The following CAPS2 variants were observed in gnomAD, a reference collection of about 807,000 sequenced individuals.
CAPS2 encodes calcyphosin-2.
Under a neutral mutation model 86.5 loss-of-function variants are expected in CAPS2, and 98 were observed. The observed-to-expected ratio is 1.13, with a 90% CI of 0.96 to 1.34. CAPS2 has a LOEUF of 1.34. CAPS2 is among the 40% of genes most tolerant of loss of function. The probability of loss-of-function intolerance (pLI) is 0.00; values close to 1 mark genes in which losing one functional copy is unlikely to be tolerated. For missense variants in CAPS2, 729 were observed against 686.8 expected (o/e 1.06, Z -0.69); for synonymous variants, 210 against 225.1 (o/e 0.93, Z 0.60).
intron 11 of CAPS2, among the ~76,000 whole-genome samples, chr12:75,297,978 C>T (rs956072748): frequency 1.1e-4 from 17 of 152,106 alleles, no homozygotes; most frequent in African/African-American, 3.6e-4. Flanking sequence ...CTATCTGGCC[C>T]TCTTATCTAT....
At chr12:75,343,720 G>A in intron 1 of CAPS2, 1 of 1,610,994 alleles carries the variant, frequency 6.2e-7, no homozygotes, top group Middle Eastern at 1.7e-4. Flanking sequence ...AGCAAAGATG[G>A]CTAAAGCATG....
chr12:75,343,557 A>G, intron 1 of CAPS2: 1 of 684,150 alleles, frequency 1.5e-6, no homozygotes, highest in Non-Finnish European at 2.4e-6. Flanking sequence ...CTAACTATGC[A>G]CATAATAAAT....
At chr12:75,280,131 C>T (rs926167191) in intron 16 of CAPS2, among the ~76,000 whole-genome samples, 1 of 151,532 alleles carries the variant, frequency 6.6e-6, no homozygotes, top group Non-Finnish European at 1.5e-5. Context: ...TGGGATATAC[C>T]ATTTCTATTA....
chr12:75,293,651 A>ATAATT (rs2036398541), intron 11 of CAPS2, among the ~76,000 whole-genome samples: 1 of 152,186 alleles, frequency 6.6e-6, no homozygotes, highest in African/African-American at 2.4e-5. Flanking sequence ...AAAAGAACAA[A>ATAATT]TAATTTAATT....
At chr12:75,312,783 T>C in intron 7 of CAPS2, 65 bp downstream of exon 7, 1 of 941,920 alleles carries the variant, frequency 1.1e-6, no homozygotes, top group Non-Finnish European at 1.7e-6. Context: ...ATGAATGTCA[T>C]GCATGAAAAT....
intron 12 of CAPS2, among the ~76,000 whole-genome samples, chr12:75,292,737 TA>T (rs1425145967): frequency 2.0e-5 from 3 of 147,850 alleles, no homozygotes; most frequent in African/African-American, 4.9e-5. Context: ...CAGGAATATA[TA>T]TTTTTTAATC....
chr12:75,300,790 G>A (rs937921649), intron 8 of CAPS2, among the ~76,000 whole-genome samples: 1 of 152,018 alleles, frequency 6.6e-6, no homozygotes, highest in Non-Finnish European at 1.5e-5. Flanking sequence ...AAAAGATATA[G>A]GAAAGCCAGC....
intron 1 of CAPS2, among the ~76,000 whole-genome samples, chr12:75,359,357 CTTTTTTTTTTTTT>C (rs61616225): frequency 1.4e-4 from 4 of 28,600 alleles, no homozygotes; most frequent in South Asian, 1.3e-3. Context: ...GCATTGTTGT[CTTTTTTTTTTTTT>C]TTTTTTTTTT....
chr12:75,383,383 C>G (rs1295014426), intron 1 of CAPS2, among the ~76,000 whole-genome samples: 1 of 152,074 alleles, frequency 6.6e-6, no homozygotes, highest in Non-Finnish European at 1.5e-5. Context: ...ACCAAGATAG[C>G]TATATTAATT....
chr12:75,293,427 C>T lies in CAPS2; in HGVS notation c.1045-60G>A, dbSNP rs2036355241. On this transcript the variant is annotated intron_variant, in intron 11 of 16. Transcript: ENST00000393284. The stretch of plus-strand genomic sequence containing the variant: ...CATGTAAGAAATAAAATATAACTAA[C>T]ATCAATTTTAAATAATGGATTTTGA... The T allele has an allele frequency of 8.9e-6, 9 of 1,011,560 alleles. No individual in the cohort carries two copies. In the South Asian group the frequency reaches 1.1e-4, roughly 12 times the overall value. The allele number at this position is 1,011,560 out of a possible 1,614,324, so 62.7% of individuals were successfully genotyped here. A position where few individuals can be genotyped will look rare whatever the true frequency, so the allele number is the denominator to read the frequency against.
chr12:75,354,167 G>GC (rs1491414500), intron 1 of CAPS2, among the ~76,000 whole-genome samples: 2 of 46,294 alleles, frequency 4.3e-5, no homozygotes, highest in African/African-American at 1.3e-4. Context: ...AGAAAAAAAA[G>GC]GGGGGGGGGT....
At chr12:75,384,697 A>G (rs1162878835) in intron 1 of CAPS2, among the ~76,000 whole-genome samples, 1 of 152,198 alleles carries the variant, frequency 6.6e-6, no homozygotes, top group Non-Finnish European at 1.5e-5. Context: ...AAAACATTAC[A>G]AGAAAAAAAA....
downstream of CAPS2, chr12:75,276,988 T>C: frequency 2.0e-6 from 2 of 984,542 alleles, no homozygotes; most frequent in Non-Finnish European, 2.4e-6. Context: ...AAATAACAGA[T>C]TTTACTATAC....
chr12:75,388,392 TC>T (rs2045401115), intron 1 of CAPS2, among the ~76,000 whole-genome samples: 3 of 152,302 alleles, frequency 2.0e-5, no homozygotes, highest in African/African-American at 7.2e-5. Flanking sequence ...AGCCAACATG[TC>T]CTTCAGTAGC....
chr12:75,343,673 A>C (rs2042261977), intron 1 of CAPS2: 3 of 1,558,704 alleles, frequency 1.9e-6, no homozygotes, highest in Admixed American at 3.8e-5. Flanking sequence ...AATTCAATTT[A>C]AATTATTTTT....
At chr12:75,363,222 TAG>T in intron 1 of CAPS2, 1 of 1,005,866 alleles carries the variant, frequency 9.9e-7, no homozygotes. Context: ...TAATTACATT[TAG>T]AGAGTAAAGT....
intron 14 of CAPS2, 135 bp downstream of exon 14, chr12:75,289,486 A>G: frequency 1.4e-6 from 1 of 721,640 alleles, no homozygotes; most frequent in Non-Finnish European, 2.2e-6. Context: ...AGGGCTTGTA[A>G]CCTGATAGCT....
At chr12:75,306,110 C>T (rs535547302) in intron 7 of CAPS2, 2 of 1,319,446 alleles carry the variant, frequency 1.5e-6, no homozygotes, top group South Asian at 1.2e-5. Context: ...AGCACTCCAC[C>T]TTCCACATTC....
chr12:75,312,859 G>T, exon 7 of CAPS2: 2 of 1,584,504 alleles, frequency 1.3e-6, no homozygotes, highest in South Asian at 2.2e-5. Context: ...TAGATAAGTG[G>T]TCTATCATCA....
Sources: gnomAD v4.1 joint callset for allele counts (sites outside exome capture counted in the v4.1 genomes callset) on GRCh38, gnomAD v4.1.1 for gene constraint, MANE v1.5 for transcripts, NCBI Gene and HGNC (gene_info 2026-07-23, HGNC 2026-07-21) for gene names.